The following ANKS1B variants were observed in gnomAD, a reference collection of about 807,000 sequenced individuals.
The protein encoded by ANKS1B is ankyrin repeat and sterile alpha motif domain containing 1B, also known as ankyrin repeat and sterile alpha motif domain-containing protein 1B.
A neutral mutation model predicts 148.3 loss-of-function variants in ANKS1B; 36 were observed. The ratio of observed to expected loss-of-function variants is 0.24; its 90% CI spans 0.19 to 0.32. The LOEUF (loss-of-function observed/expected upper bound fraction) is 0.32. Ranked by LOEUF, ANKS1B falls within the 10% of genes least tolerant of loss-of-function variation. ANKS1B has a pLI of 1.00. For synonymous variants in ANKS1B, 542 were observed against 560.8 expected, an observed-to-expected ratio of 0.97 and a Z score of 0.47; for missense variants, 1,157 against 1,542.6, an observed-to-expected ratio of 0.75 and a Z score of 4.19.
rs144986264 is a variant in ANKS1B, at chr12:99,565,879, G to C, written c.1273-61238C>G. On this transcript the variant is annotated intron_variant, in intron 9 of 26. Transcript: ENST00000683438. ...CACATCCACAGATGTTTTTAAGATT[G>C]TCCCTTTTCTATATCTTGGCTTCCT... Among the ~76,000 whole-genome samples, 288 of 152,236 alleles carry C rather than the reference G, an allele frequency of 1.9e-3. 1 individual carries two copies. Among genetic ancestry groups the C allele is most frequent in the African/African-American group, 6.7e-3 (279 of 41,540 alleles).
intron 9 of ANKS1B, among the ~76,000 whole-genome samples, chr12:99,592,706 G>A (rs2097715267): frequency 6.6e-6 from 1 of 152,128 alleles, no homozygotes; most frequent in Non-Finnish European, 1.5e-5. Flanking sequence ...TATTTGAAGA[G>A]ATTTATTCTG....
intron 2 of ANKS1B, among the ~76,000 whole-genome samples, chr12:99,824,796 A>C (rs1192650298): frequency 1.3e-5 from 2 of 152,260 alleles, no homozygotes; most frequent in Non-Finnish European, 2.9e-5. Flanking sequence ...TTATTAAAAA[A>C]ATTTAGGGTT....
At chr12:99,495,342 A>AGTGTGTGTGT (rs56107230) in intron 10 of ANKS1B, among the ~76,000 whole-genome samples, 1,817 of 145,374 alleles carry the variant, frequency 0.012, 24 homozygotes, top group African/African-American at 0.032. Context: ...GGGGAGAAAA[A>AGTGTGTGTGT]GTGTGTGTGT....
Position 98,781,147 on chromosome 12 carries a change from T to C in ANKS1B, c.3411A>G (p.Lys1137=), listed in dbSNP as rs1034914995. 17 of 1,583,560 alleles carry C rather than the reference T, an allele frequency of 1.1e-5. No individual in the cohort carries two copies. The highest frequency in any genetic ancestry group is 1.5e-5 in the Non-Finnish European group (17 of 1,162,746). ...VPTIILSVSY[K]GVKFIDATNK... is the part of the protein sequence containing the mutation. ...TTGTTGCATCAATAAATTTGACTCC[T>C]TTATATGAGACAGAAAGAATAATAG... The change falls in exon 24 of 27, where the codon AAA becomes AAG. Residue 1137 remains lysine (K), a synonymous_variant. Transcript: ENST00000683438.
At chr12:99,850,608 A>C (rs1055901295) in intron 1 of ANKS1B, among the ~76,000 whole-genome samples, 3 of 151,918 alleles carry the variant, frequency 2.0e-5, no homozygotes, top group African/African-American at 7.2e-5. Context: ...TATCCCTACA[A>C]ACTAGTTAGA....
chr12:99,623,506 A>C (rs1365571399), intron 9 of ANKS1B, among the ~76,000 whole-genome samples: 1 of 152,030 alleles, frequency 6.6e-6, no homozygotes, highest in African/African-American at 2.4e-5. Flanking sequence ...AATACCCTAA[A>C]GACTCTGCCA....
rs1262267779 is a variant in ANKS1B, at chr12:99,407,846, A to G, written c.1576-8035T>C. Among the ~76,000 whole-genome samples, 6 of 146,164 alleles carry G rather than the reference A, an allele frequency of 4.1e-5. 1 individual carries two copies. The highest frequency in any genetic ancestry group is 1.3e-4 in the African/African-American group (5 of 38,632). ...CTATAAACACGGATGAAAGACATTG[A>G]AAATCATATAAGAAAATGAAAAGAT... On this transcript the variant is annotated intron_variant, in intron 11 of 26. Transcript: ENST00000683438.
chr12:99,642,989 C>T (rs1205003721), intron 9 of ANKS1B, among the ~76,000 whole-genome samples: 1 of 151,184 alleles, frequency 6.6e-6, no homozygotes, highest in South Asian at 2.1e-4. Context: ...ATTGGGCACA[C>T]ATTGATAATC....
intron 1 of ANKS1B, among the ~76,000 whole-genome samples, chr12:99,942,161 A>G (rs561833049): frequency 3.3e-4 from 51 of 152,304 alleles, no homozygotes; most frequent in African/African-American, 1.2e-3. Context: ...AAGAATTAAG[A>G]GAAAATTATC....
chr12:99,850,281 G>GTCTCTCCCCTC (rs57015094), intron 1 of ANKS1B, among the ~76,000 whole-genome samples: 1 of 114,206 alleles, frequency 8.8e-6, no homozygotes, highest in Non-Finnish European at 1.8e-5. Context: ...AAGCAAGAAA[G>GTCTCTCCCCTC]TCTCTCTCTC....
At position 98,798,968 on chromosome 12, in the gene ANKS1B, G is replaced by C; in HGVS notation, c.3308C>G (p.Thr1103Arg). The C allele has an allele frequency of 1.9e-6, 3 of 1,609,758 alleles. No individual in the cohort carries two copies. Among genetic ancestry groups the C allele is most frequent in the Non-Finnish European group, 2.5e-6 (3 of 1,178,038 alleles). Residue 1103 changes from threonine (T) to arginine (R), a missense_variant, in exon 22 of 27, where the codon ACA becomes AGA. Coordinates refer to ENST00000683438, the MANE Select transcript of ANKS1B (RefSeq NM_001352186.2). Reference protein sequence around the residue: ...GSMLIKELRGTESTQDACAKM... With the variant: ...GSMLIKELRGRESTQDACAKM... ...TGCACAAGCATCTTGGGTTGATTCT[G>C]TCCCCCTAAGCTCTTTTATCAGCAT...
At chr12:99,014,699 A>T (rs73384694) in intron 17 of ANKS1B, among the ~76,000 whole-genome samples, 2,062 of 152,324 alleles carry the variant, frequency 0.014, 44 homozygotes, top group African/African-American at 0.047. Context: ...AACTCCATAA[A>T]AAGTGGGCAA....
At chr12:99,929,296 T>G (rs2094553010) in intron 1 of ANKS1B, among the ~76,000 whole-genome samples, 1 of 152,202 alleles carries the variant, frequency 6.6e-6, no homozygotes, top group South Asian at 2.1e-4. Flanking sequence ...AAATGTCTTC[T>G]TTTGAGAAGT....
chr12:99,047,459 A>G (rs2099963254), intron 17 of ANKS1B, among the ~76,000 whole-genome samples: 1 of 152,208 alleles, frequency 6.6e-6, no homozygotes, highest in African/African-American at 2.4e-5. Flanking sequence ...GATGACAATG[A>G]TAAGTCTCAT....
Position 99,080,671 on chromosome 12 carries a change from G to A in ANKS1B, c.2625+4254C>T, listed in dbSNP as rs117920492. On this transcript the variant is annotated intron_variant, in intron 16 of 26. Transcript: ENST00000683438. ...TGTTATATTATCAAAGGACAGAAGC[G>A]TTTATGCCCTTTTAAAAAGGAAAAT... Among the ~76,000 whole-genome samples, 11 of 152,224 alleles carry A rather than the reference G, an allele frequency of 7.2e-5. 1 individual carries two copies. The East Asian group carries it at 1.9e-3, about 27-fold the overall frequency.
intron 12 of ANKS1B, among the ~76,000 whole-genome samples, chr12:99,320,434 C>T (rs2085032713): frequency 6.6e-6 from 1 of 152,176 alleles, no homozygotes; most frequent in South Asian, 2.1e-4. Context: ...CGCTTCATTT[C>T]ATTCATTTGA....
chr12:99,445,957 T>G (rs978781823), intron 10 of ANKS1B, among the ~76,000 whole-genome samples: 1 of 151,938 alleles, frequency 6.6e-6, no homozygotes, highest in African/African-American at 2.4e-5. Flanking sequence ...TCCTGAGCTG[T>G]AGTGATCCAC....
chr12:99,660,092 G>A (rs1430321824), intron 8 of ANKS1B, among the ~76,000 whole-genome samples: 2 of 152,122 alleles, frequency 1.3e-5, no homozygotes, highest in African/African-American at 4.8e-5. Flanking sequence ...ACGCCTTTTT[G>A]CCTTTGTTTA....
intron 9 of ANKS1B, among the ~76,000 whole-genome samples, chr12:99,596,131 T>A (rs970450599): frequency 1.3e-5 from 2 of 151,994 alleles, no homozygotes; most frequent in Non-Finnish European, 1.5e-5. Context: ...TTTCTAGCAC[T>A]GCCACAACAA....
Sources: allele counts gnomAD v4.1 joint callset (sites outside exome capture counted in the v4.1 genomes callset), GRCh38; gene constraint gnomAD v4.1.1; transcripts MANE v1.5; gene names NCBI Gene and HGNC (gene_info 2026-07-23, HGNC 2026-07-21).